TTC7B: variants seen among roughly 807,000 people sequenced by gnomAD.
The protein encoded by TTC7B is tetratricopeptide repeat protein 7B.
In TTC7B, 28 loss-of-function variants were observed where a neutral mutation model predicts 106.8. The observed-to-expected ratio is 0.26, with a 90% confidence interval of 0.19 to 0.36. The LOEUF is 0.36. Among genes scored for constraint, TTC7B ranks in the 10% least tolerant of loss-of-function variants. The pLI is 1.00. For synonymous variants in TTC7B, 405 were observed against 430.6 expected, an observed-to-expected ratio of 0.94 and a Z score of 0.74; for missense variants, 862 against 1,076.4, an observed-to-expected ratio of 0.80 and a Z score of 2.79.
At chr14:90,544,814 T>C (rs1304981688) in intron 19 of TTC7B, among the ~76,000 whole-genome samples, 1 of 152,140 alleles carries the variant, frequency 6.6e-6, no homozygotes, top group African/African-American at 2.4e-5. Context: ...AGATACTAAA[T>C]ACACACAACA....
At chr14:90,609,480 G>C (rs1892791194) in intron 17 of TTC7B, among the ~76,000 whole-genome samples, 1 of 152,186 alleles carries the variant, frequency 6.6e-6, no homozygotes, top group African/African-American at 2.4e-5. Context: ...GCTCCCAAAG[G>C]CCCTATCCCT....
chr14:90,783,658 T>G (rs1208946821), intron 2 of TTC7B, among the ~76,000 whole-genome samples: 3 of 152,164 alleles, frequency 2.0e-5, no homozygotes, highest in African/African-American at 4.8e-5. Context: ...ATTCAACAGC[T>G]GGGTGCAGTG....
In TTC7B at chr14:90,570,171, G is replaced by A. The variant is rs1890975632; in HGVS notation, c.2310+7935C>T. Among the ~76,000 whole-genome samples, 1 of 152,162 alleles carries A rather than the reference G, an allele frequency of 6.6e-6. No individual in the cohort carries two copies. Among genetic ancestry groups the A allele is most frequent in the Non-Finnish European group, 1.5e-5 (1 of 68,042 alleles). ...GAGAGCCCCACTTACAGCCTAGCAG[G>A]GCCTCCCTGAGGTCTGGCTTGTAAT... On this transcript the variant is annotated intron_variant, in intron 19 of 19. Coordinates refer to ENST00000328459, the MANE Select transcript of TTC7B (RefSeq NM_001010854.2). This position sits in a 1 kb window ranked among gnomAD's most constrained non-coding sequence, Gnocchi z 4.0.
At chr14:90,590,310 G>C (rs1358480142) in intron 18 of TTC7B, among the ~76,000 whole-genome samples, 2 of 152,086 alleles carry the variant, frequency 1.3e-5, no homozygotes, top group South Asian at 4.2e-4. Flanking sequence ...GTGGCCTAGG[G>C]ACCCTCTGCT....
chr14:90,593,715 C>T, intron 17 of TTC7B, 89 bp from the exon 18 acceptor site: 1 of 1,262,714 alleles, frequency 7.9e-7, no homozygotes, highest in Non-Finnish European at 1.1e-6. Context: ...GCGCGGAACA[C>T]ACACACCCCT....
At position 90,578,080 on chromosome 14, in the gene TTC7B, G is replaced by C. The variant is rs1260303090; in HGVS notation, c.2310+26C>G. 1.3e-6 allele frequency: 2 copies of C among 1,582,938 alleles called. No individual in the cohort carries two copies. Among genetic ancestry groups the C allele is most frequent in the African/African-American group, 1.3e-5 (1 of 74,582 alleles). ...AGGGCTGTCCCCATGCCAGAGTAGG[G>C]GCCACCGCCGGGCTCGTGGACTCAC... is the stretch of plus-strand genomic sequence containing the variant. On this transcript the variant is annotated intron_variant, in intron 19 of 19. Coordinates refer to ENST00000328459, the MANE Select transcript of TTC7B (RefSeq NM_001010854.2). The surrounding 1 kb of genome is among the most constrained non-coding windows in gnomAD (Gnocchi z 4.7).
At chr14:90,588,148 G>C (rs1423597074) in intron 18 of TTC7B, among the ~76,000 whole-genome samples, 1 of 152,166 alleles carries the variant, frequency 6.6e-6, no homozygotes, top group Non-Finnish European at 1.5e-5. Context: ...GTCACGAATG[G>C]GGCAAGGCTA....
In TTC7B at chr14:90,807,017, C is replaced by T. The variant is rs965970264; in HGVS notation, c.121+9158G>A. ...GAACCCAGGTCTAACAGGGCAAAGC[C>T]CACTGCTTTCTCCTGCCCGGGGTTC... is the stretch of plus-strand genomic sequence containing the variant. On this transcript the variant is annotated intron_variant, in intron 1 of 19. Transcript: ENST00000328459. The surrounding 1 kb of genome is among the most constrained non-coding windows in gnomAD (Gnocchi z 4.1). Among the ~76,000 whole-genome samples, 4 of 152,194 alleles carry T rather than the reference C, an allele frequency of 2.6e-5. No individual in the cohort carries two copies. The highest frequency in any genetic ancestry group is 9.7e-5 in the African/African-American group (4 of 41,440).
At chr14:90,623,624 G>A (rs193043372) in intron 15 of TTC7B, among the ~76,000 whole-genome samples, 2 of 152,202 alleles carry the variant, frequency 1.3e-5, no homozygotes, top group African/African-American at 4.8e-5. Flanking sequence ...TCTAGTTTTG[G>A]GCCAGATGAT....
chr14:90,763,384 A>G (rs1368908662), intron 3 of TTC7B, among the ~76,000 whole-genome samples: 1 of 152,226 alleles, frequency 6.6e-6, no homozygotes. Flanking sequence ...TCAAGTTGAT[A>G]AAGGCTATCT....
At chr14:90,788,323 G>A (rs891367628) in intron 1 of TTC7B, among the ~76,000 whole-genome samples, 1 of 152,110 alleles carries the variant, frequency 6.6e-6, no homozygotes, top group Non-Finnish European at 1.5e-5. Context: ...CTTCCTCCCA[G>A]ACACACAAGC....
chr14:90,576,783 GC>G (rs1891276045), intron 19 of TTC7B, among the ~76,000 whole-genome samples: 1 of 152,224 alleles, frequency 6.6e-6, no homozygotes. Context: ...AGCAGTTAGT[GC>G]CCAGCCCCTT....
chr14:90,792,134 A>G (rs1185517797), intron 1 of TTC7B, among the ~76,000 whole-genome samples: 1 of 152,154 alleles, frequency 6.6e-6, no homozygotes, highest in African/African-American at 2.4e-5. Flanking sequence ...TTTTATTTAA[A>G]CAATGGGTTT....
chr14:90,561,472 G>A (rs867421345), intron 19 of TTC7B, among the ~76,000 whole-genome samples: 4 of 152,206 alleles, frequency 2.6e-5, no homozygotes, highest in African/African-American at 7.2e-5. Flanking sequence ...AAGAGGGGAC[G>A]CTTCACATTT....
At chr14:90,572,447 C>A (rs191397970) in intron 19 of TTC7B, among the ~76,000 whole-genome samples, 12 of 152,326 alleles carry the variant, frequency 7.9e-5, no homozygotes, top group African/African-American at 2.6e-4. Context: ...GCCGCACCTT[C>A]GGGTATTTCA....
chr14:90,567,580 T>A (rs1038332479), intron 19 of TTC7B: 2 of 152,252 alleles, frequency 1.3e-5, no homozygotes. Flanking sequence ...TGATCTCTTT[T>A]ACCTCCATCC....
intron 3 of TTC7B, among the ~76,000 whole-genome samples, chr14:90,777,879 T>C (rs1891084523): frequency 6.6e-6 from 1 of 152,228 alleles, no homozygotes; most frequent in Admixed American, 6.5e-5. Context: ...GACATTTACG[T>C]TGCGCTCACT....
chr14:90,658,453 G>C (rs1397368622), intron 9 of TTC7B, 66 bp from the exon 10 acceptor site: 10 of 1,445,256 alleles, frequency 6.9e-6, no homozygotes, highest in Non-Finnish European at 9.7e-6. Flanking sequence ...GCACAAGTGT[G>C]AGTTTGTATC....
chr14:90,719,169 G>T (rs1888783786), intron 5 of TTC7B, among the ~76,000 whole-genome samples: 1 of 152,142 alleles, frequency 6.6e-6, no homozygotes, highest in South Asian at 2.1e-4. Flanking sequence ...CCAGCTATTT[G>T]AGGTTGACAT....
Sources: allele counts gnomAD v4.1 joint callset (sites outside exome capture counted in the v4.1 genomes callset), GRCh38; gene constraint gnomAD v4.1.1; non-coding constraint Gnocchi (gnomAD v3.1); transcripts MANE v1.5; gene names NCBI Gene and HGNC (gene_info 2026-07-23, HGNC 2026-07-21).